Variants in RBFOX1 observed in about 807,000 individuals in gnomAD.
RBFOX1 encodes RNA binding fox-1 homolog 1.
A neutral mutation model predicts 57.7 loss-of-function variants in RBFOX1; 8 were observed. The observed-to-expected ratio is 0.14, with a 90% confidence interval of 0.08 to 0.25. The LOEUF (loss-of-function observed/expected upper bound fraction) is 0.25, where lower values mean the gene tolerates loss of function less well. Among genes scored for constraint, RBFOX1 ranks in the 10% least tolerant of loss-of-function variants. The probability of loss-of-function intolerance (pLI) is 1.00; values close to 1 mark genes in which losing one functional copy is unlikely to be tolerated. For synonymous variants in RBFOX1, 326 were observed against 222.4 expected, an observed-to-expected ratio of 1.47 and a Z score of -4.15; for missense variants, 611 against 548.5, an observed-to-expected ratio of 1.11 and a Z score of -1.14.
At chr16:5,777,726 A>G (rs928395080) in intron 3 of RBFOX1, among the ~76,000 whole-genome samples, 2 of 152,232 alleles carry the variant, frequency 1.3e-5, no homozygotes, top group African/African-American at 2.4e-5. Flanking sequence ...GAAACACACA[A>G]TACATACATA....
intron 4 of RBFOX1, chr16:7,304,575 T>G (rs907343711): frequency 1.0e-6 from 1 of 985,184 alleles, no homozygotes; most frequent in African/African-American, 1.7e-5. Flanking sequence ...CGGTGCCTTA[T>G]GTAGGTTCTG....
chr16:6,656,610 A>G (rs1296737723), intron 3 of RBFOX1, among the ~76,000 whole-genome samples: 1 of 150,790 alleles, frequency 6.6e-6, no homozygotes, highest in East Asian at 2.0e-4. Context: ...ACACACACAC[A>G]CACACACACA....
intron 3 of RBFOX1, among the ~76,000 whole-genome samples, chr16:6,692,746 C>G (rs77721719): frequency 1.8e-3 from 275 of 152,084 alleles, no homozygotes; most frequent in African/African-American, 6.1e-3. Flanking sequence ...ATCTTCTGAT[C>G]TGTTTCAACC....
intron 3 of RBFOX1, among the ~76,000 whole-genome samples, chr16:6,878,200 C>G (rs552073357): frequency 1.3e-5 from 2 of 152,170 alleles, no homozygotes; most frequent in Non-Finnish European, 2.9e-5. Flanking sequence ...TGTATGGTCA[C>G]CATGCAGGCT....
At chr16:7,710,257 G>A (rs949541377) in intron 15 of RBFOX1, 2 of 1,082,058 alleles carry the variant, frequency 1.8e-6, no homozygotes, top group African/African-American at 1.7e-5. Flanking sequence ...TCCACATGAG[G>A]AATGTGTTGG....
chr16:6,623,178 C>T (rs1420367091), intron 2 of RBFOX1, among the ~76,000 whole-genome samples: 1 of 152,046 alleles, frequency 6.6e-6, no homozygotes, highest in African/African-American at 2.4e-5. Flanking sequence ...TGTAGTAAGG[C>T]AATATCAAAA....
chr16:7,077,730 G>A (rs1338517865), intron 4 of RBFOX1, among the ~76,000 whole-genome samples: 1 of 152,160 alleles, frequency 6.6e-6, no homozygotes, highest in Non-Finnish European at 1.5e-5. Context: ...CTGGGGTTGT[G>A]CAAGTATTAG....
At chr16:6,732,345 G>T (rs1438120392) in intron 3 of RBFOX1, among the ~76,000 whole-genome samples, 1 of 152,172 alleles carries the variant, frequency 6.6e-6, no homozygotes, top group Non-Finnish European at 1.5e-5. Context: ...ACGAGAGAGT[G>T]AGTCTCTGAC....
chr16:6,885,674 GGCCCCT>G (rs1238268286), intron 3 of RBFOX1, among the ~76,000 whole-genome samples: 3 of 152,030 alleles, frequency 2.0e-5, no homozygotes, highest in Non-Finnish European at 2.9e-5. Context: ...TGGGATTACA[GGCCCCT>G]GCCACCACAC....
At chr16:6,556,916 G>C (rs986600259) in intron 2 of RBFOX1, among the ~76,000 whole-genome samples, 3 of 150,574 alleles carry the variant, frequency 2.0e-5, no homozygotes, top group African/African-American at 7.3e-5. Context: ...ACAGAGTTGA[G>C]GTTTTTGTCA....
intron 2 of RBFOX1, among the ~76,000 whole-genome samples, chr16:6,461,759 T>C (rs1212444666): frequency 1.3e-5 from 2 of 152,148 alleles, no homozygotes; most frequent in African/African-American, 2.4e-5. Flanking sequence ...CTGAAGAGAA[T>C]GGAGGGCTGT....
intron 1 of RBFOX1, among the ~76,000 whole-genome samples, chr16:5,434,368 C>CTGGAG (rs2067851296): frequency 8.6e-6 from 1 of 116,788 alleles, no homozygotes; most frequent in African/African-American, 3.1e-5. Context: ...GTTACCCAGG[C>CTGGAG]TGGAGTGCAG....
intron 3 of RBFOX1, among the ~76,000 whole-genome samples, chr16:7,028,255 T>C (rs891422611): frequency 1.3e-5 from 2 of 152,116 alleles, no homozygotes; most frequent in African/African-American, 2.4e-5. Context: ...TTGCTCTACG[T>C]GTAAGCCATT....
intron 4 of RBFOX1, among the ~76,000 whole-genome samples, chr16:7,080,222 T>A (rs1418487491): frequency 6.6e-6 from 1 of 152,006 alleles, no homozygotes; most frequent in Non-Finnish European, 1.5e-5. Flanking sequence ...CAAGAAGGGT[T>A]GAACTGACCT....
chr16:6,238,663 A>G (rs1443054794), intron 1 of RBFOX1, among the ~76,000 whole-genome samples: 2 of 152,210 alleles, frequency 1.3e-5, no homozygotes. Flanking sequence ...AACAAATGAG[A>G]ATCCCAGCAG....
chr16:6,431,754 G>A (rs1388610870), intron 2 of RBFOX1, among the ~76,000 whole-genome samples: 1 of 152,070 alleles, frequency 6.6e-6, no homozygotes, highest in Non-Finnish European at 1.5e-5. Context: ...TACTTTACCA[G>A]CTTTGTGACT....
At chr16:6,248,179 A>C (rs964171161) in intron 1 of RBFOX1, among the ~76,000 whole-genome samples, 29 of 152,202 alleles carry the variant, frequency 1.9e-4, no homozygotes, top group African/African-American at 4.8e-5. Context: ...CAAACAACAA[A>C]AAAAAGGAAA....
chr16:7,582,390 G>A (rs180701518), intron 6 of RBFOX1, among the ~76,000 whole-genome samples: 1 of 152,096 alleles, frequency 6.6e-6, no homozygotes, highest in Admixed American at 6.6e-5. Flanking sequence ...AAAAGTGCCA[G>A]GAACATACAG....
chr16:7,243,954 C>T (rs771630265), intron 4 of RBFOX1, among the ~76,000 whole-genome samples: 2 of 143,202 alleles, frequency 1.4e-5, no homozygotes, highest in East Asian at 2.0e-4. Context: ...TCTGAAGTCA[C>T]ATACAAAACT....
Sources: allele counts gnomAD v4.1 joint callset (sites outside exome capture counted in the v4.1 genomes callset), GRCh38; gene constraint gnomAD v4.1.1; transcripts MANE v1.5; gene names NCBI Gene and HGNC (gene_info 2026-07-23, HGNC 2026-07-21).